Variants in IL36B observed in about 807,000 individuals in gnomAD.
IL36B encodes the protein interleukin 36 beta.
In IL36B, 23 loss-of-function variants were observed where a neutral mutation model predicts 19.3. The observed-to-expected ratio is 1.19, with a 90% CI of 0.86 to 1.69. The LOEUF is 1.69. Among genes scored for constraint, IL36B ranks in the 40% most tolerant of loss-of-function variants. The pLI, the probability that IL36B is intolerant of heterozygous loss-of-function variation, is 0.00. For synonymous variants in IL36B, 59 were observed against 59.7 expected (o/e 0.99, Z 0.05); for missense variants, 217 against 200.5 (o/e 1.08, Z -0.50).
intron 4 of IL36B, chr2:113,027,554 C>A: frequency 9.5e-7 from 1 of 1,048,648 alleles, no homozygotes; most frequent in South Asian, 3.9e-5. Flanking sequence ...GTCATGAATC[C>A]ACATCTCTAC....
chr2:113,027,126 G>A (rs549024753), intron 4 of IL36B, among the ~76,000 whole-genome samples: 19 of 152,256 alleles, frequency 1.2e-4, no homozygotes, highest in African/African-American at 3.9e-4. Context: ...TAAGAAACTC[G>A]TAAGGAAGAG....
intron 1 of IL36B, among the ~76,000 whole-genome samples, chr2:113,049,757 C>A (rs182317080): frequency 1.1e-3 from 173 of 152,262 alleles, no homozygotes; most frequent in South Asian, 3.9e-3. Context: ...GAGTTTGAGA[C>A]CAGCTTGGTC....
At chr2:113,046,206 TTC>T (rs1483808747) in intron 1 of IL36B, among the ~76,000 whole-genome samples, 405 of 10,978 alleles carry the variant, frequency 0.037, 11 homozygotes, top group East Asian at 0.35. Flanking sequence ...TTCAGGTTTT[TTC>T]TTTTTTTTTT....
intron 1 of IL36B, among the ~76,000 whole-genome samples, chr2:113,032,863 G>T (rs1173074863): frequency 6.6e-6 from 1 of 152,198 alleles, no homozygotes; most frequent in African/African-American, 2.4e-5. Flanking sequence ...AGGACTGACA[G>T]TGGAGCAACA....
intron 1 of IL36B, among the ~76,000 whole-genome samples, chr2:113,043,169 A>G (rs1043193837): frequency 6.6e-6 from 1 of 152,122 alleles, no homozygotes; most frequent in African/African-American, 2.4e-5. Context: ...AGTTCTTTAT[A>G]TACTGTGGAT....
intron 1 of IL36B, among the ~76,000 whole-genome samples, chr2:113,033,011 G>A (rs1195729752): frequency 6.6e-6 from 1 of 152,138 alleles, no homozygotes; most frequent in African/African-American, 2.4e-5. Context: ...GCAGAGGTGT[G>A]TCTCCCTTGG....
intron 1 of IL36B, among the ~76,000 whole-genome samples, chr2:113,035,709 G>A (rs550680755): frequency 5.3e-5 from 8 of 152,268 alleles, no homozygotes; most frequent in African/African-American, 1.7e-4. Context: ...ATAAATAAAT[G>A]AGTTAGAAAC....
chr2:113,036,908 T>C (rs184584958), intron 1 of IL36B, among the ~76,000 whole-genome samples: 2 of 152,364 alleles, frequency 1.3e-5, no homozygotes, highest in African/African-American at 2.4e-5. Context: ...CTATCTTGCC[T>C]GCATCCTGCC....
intron 1 of IL36B, among the ~76,000 whole-genome samples, chr2:113,036,273 A>G (rs1412665271): frequency 2.0e-5 from 3 of 152,090 alleles, no homozygotes; most frequent in Non-Finnish European, 4.4e-5. Flanking sequence ...AAAGCAATAT[A>G]CATGTGTTGT....
At chr2:113,028,091 CAT>C (rs1215586772) in intron 4 of IL36B, 1 of 1,614,052 alleles carries the variant, frequency 6.2e-7, no homozygotes, top group Non-Finnish European at 8.5e-7. Flanking sequence ...TTCTTCTCCA[CAT>C]ACAGGTCCAT....
At chr2:113,028,023 C>A in intron 4 of IL36B, 1 of 1,614,144 alleles carries the variant, frequency 6.2e-7, no homozygotes, top group African/African-American at 1.3e-5. Flanking sequence ...AAGAGACTGA[C>A]TGAAAGACAG....
In IL36B at chr2:113,031,646, G is replaced by A. The variant is rs767070333; in HGVS notation, c.13+51C>T. On this transcript the variant is annotated intron_variant, in intron 2 of 5. Coordinates refer to ENST00000259213, the MANE Select transcript of IL36B (RefSeq NM_014438.5). ...GGGGTCCTTCCATCCTATTGTCTTT[G>A]ATGAGGTCAGATGGAGATATTTCCA... The A allele has an allele frequency of 3.3e-6, 5 of 1,509,480 alleles. No individual in the cohort carries two copies. The African/African-American group carries it at 4.1e-5, about 12-fold the overall frequency. 93.5% of individuals were successfully genotyped at this position (1,509,480 alleles called of 1,614,324 possible). A position where few individuals can be genotyped will look rare whatever the true frequency, so the allele number is the denominator to read the frequency against.
chr2:113,047,697 A>G (rs1333376084), intron 1 of IL36B, among the ~76,000 whole-genome samples: 2 of 152,222 alleles, frequency 1.3e-5, no homozygotes, highest in East Asian at 3.8e-4. Context: ...TTTTATCCCC[A>G]GCCTTGTGGA....
intron 4 of IL36B, chr2:113,027,773 A>T: frequency 6.8e-7 from 1 of 1,463,952 alleles, no homozygotes. Context: ...TGGCTTTTGG[A>T]TAGTAAGAAT....
intron 1 of IL36B, among the ~76,000 whole-genome samples, chr2:113,038,422 G>T (rs1685196236): frequency 6.6e-6 from 1 of 152,196 alleles, no homozygotes; most frequent in African/African-American, 2.4e-5. Flanking sequence ...AGTCTGAAAT[G>T]GTTCTAGGTT....
chr2:113,051,178 C>T (rs964562640), intron 1 of IL36B, among the ~76,000 whole-genome samples: 16 of 152,202 alleles, frequency 1.1e-4, no homozygotes, highest in South Asian at 2.1e-4. Flanking sequence ...AGCGCAGGAC[C>T]GGGGAGAATG....
intron 1 of IL36B, among the ~76,000 whole-genome samples, chr2:113,038,104 C>T (rs1315110577): frequency 6.6e-6 from 1 of 152,168 alleles, no homozygotes; most frequent in Non-Finnish European, 1.5e-5. Flanking sequence ...ATTTACAAAA[C>T]CTTAAGTGGG....
At chr2:113,028,246 G>A in intron 4 of IL36B, 131 bp from the exon 5 acceptor site, 1 of 709,074 alleles carries the variant, frequency 1.4e-6, no homozygotes. Context: ...GACAAAGGCA[G>A]ATGAAGCAGG....
chr2:113,034,572 G>A (rs1276166475), intron 1 of IL36B, among the ~76,000 whole-genome samples: 1 of 152,240 alleles, frequency 6.6e-6, no homozygotes, highest in African/African-American at 2.4e-5. Flanking sequence ...AGAGAACTAT[G>A]TGCTCAGTGG....
Sources: allele counts gnomAD v4.1 joint callset (sites outside exome capture counted in the v4.1 genomes callset), GRCh38; gene constraint gnomAD v4.1.1; transcripts MANE v1.5; gene names NCBI Gene and HGNC (gene_info 2026-07-23, HGNC 2026-07-21).